The following TACC2 variants were observed in gnomAD, a reference collection of about 807,000 sequenced individuals.
The protein encoded by TACC2 is transforming acidic coiled-coil containing protein 2, also known as transforming acidic coiled-coil-containing protein 2.
TACC2 carries 137 observed loss-of-function variants against 227.3 expected under a neutral mutation model. The ratio of observed to expected loss-of-function variants is 0.60; its 90% CI spans 0.52 to 0.69. The LOEUF is 0.69. Among genes scored for constraint, TACC2 ranks in the 30% least tolerant of loss-of-function variants. The pLI is 0.00. For synonymous variants in TACC2, 1,523 were observed against 1,487.5 expected, an observed-to-expected ratio of 1.02 and a Z score of -0.55; for missense variants, 3,470 against 3,694.4, an observed-to-expected ratio of 0.94 and a Z score of 1.57.
chr10:122,029,579 A>C (rs1403663615), intron 2 of TACC2, among the ~76,000 whole-genome samples: 5 of 152,186 alleles, frequency 3.3e-5, no homozygotes, highest in African/African-American at 1.2e-4. Context: ...ATTTTAAAAA[A>C]ATGTTGGCAA....
intron 7 of TACC2, among the ~76,000 whole-genome samples, chr10:122,176,117 C>CTATATATATATA (rs35172894): frequency 2.2e-4 from 12 of 54,644 alleles, no homozygotes; most frequent in South Asian, 8.4e-4. Flanking sequence ...CTCTCTCTCT[C>CTATATATATATA]TATATATATA....
At chr10:122,200,507 C>T (rs1183916460) in intron 8 of TACC2, among the ~76,000 whole-genome samples, 2 of 147,720 alleles carry the variant, frequency 1.4e-5, no homozygotes, top group African/African-American at 5.3e-5. Context: ...CACCTGCCCA[C>T]AGTGGCTGTG....
chr10:122,225,846 T>C (rs766232091), intron 12 of TACC2, among the ~76,000 whole-genome samples: 1 of 152,138 alleles, frequency 6.6e-6, no homozygotes, highest in Non-Finnish European at 1.5e-5. Context: ...AGGGACTTAT[T>C]TGGGGACCCC....
At chr10:122,076,838 G>C (rs770770032) in intron 3 of TACC2, among the ~76,000 whole-genome samples, 5 of 152,108 alleles carry the variant, frequency 3.3e-5, no homozygotes, top group Admixed American at 6.5e-5. Flanking sequence ...ATCTGGGCCG[G>C]GTGCGGTGGC....
chr10:122,245,887 A>G (rs1484499416), intron 19 of TACC2, among the ~76,000 whole-genome samples: 4 of 152,168 alleles, frequency 2.6e-5, no homozygotes, highest in Non-Finnish European at 5.9e-5. Flanking sequence ...AACCCTGCTC[A>G]AGGTCACTCG....
intron 8 of TACC2, among the ~76,000 whole-genome samples, chr10:122,200,197 C>A (rs986556210): frequency 6.6e-6 from 1 of 152,228 alleles, no homozygotes; most frequent in Non-Finnish European, 1.5e-5. Flanking sequence ...CTGATGCAGT[C>A]CAGGCAGAGG....
intron 7 of TACC2, among the ~76,000 whole-genome samples, chr10:122,190,007 A>G (rs2094352654): frequency 1.3e-5 from 2 of 152,254 alleles, no homozygotes; most frequent in South Asian, 2.1e-4. Context: ...CCCTTAAATT[A>G]TCTCCAGTAA....
intron 22 of TACC2, among the ~76,000 whole-genome samples, chr10:122,250,171 C>T (rs1488720799): frequency 1.3e-5 from 2 of 152,192 alleles, no homozygotes; most frequent in African/African-American, 2.4e-5. Flanking sequence ...GGATCTGGCA[C>T]CCCTCCATCC....
chr10:122,111,736 T>C (rs7913495), intron 5 of TACC2, among the ~76,000 whole-genome samples: 126,294 of 151,686 alleles, frequency 0.83, 53,649 homozygotes, highest in East Asian at 0.98. Flanking sequence ...CCTCGTGATC[T>C]GTCCACCTCG....
chr10:121,996,641 C>T (rs1953537735), intron 1 of TACC2, among the ~76,000 whole-genome samples: 1 of 152,128 alleles, frequency 6.6e-6, no homozygotes, highest in Admixed American at 6.6e-5. Context: ...AGCAGGCAGT[C>T]ACCATGAGGT....
At chr10:122,049,991 T>G (rs2075496520) in intron 2 of TACC2, among the ~76,000 whole-genome samples, 1 of 152,150 alleles carries the variant, frequency 6.6e-6, no homozygotes, top group African/African-American at 2.4e-5. Context: ...CCGGTTAGTT[T>G]TTTTCCCTAG....
rs376276636 is a variant in TACC2 at position 122,164,026 on chromosome 10, C to T, written c.5834+20320C>T. The T allele has an allele frequency of 2.3e-4, 358 of 1,560,084 alleles. No homozygotes were observed. The African/African-American group carries it at 4.3e-3, about 19-fold the overall frequency. ...TCCGCCCGGGCCGCCCCGAGTCTCC[C>T]GGGGAGGAGGAGAGGATGCCCGGGC... On this transcript the variant is annotated intron_variant, in intron 7 of 22. Transcript: ENST00000369005.
At chr10:121,989,962 C>G (rs186815063) in intron 1 of TACC2, among the ~76,000 whole-genome samples, 4 of 152,250 alleles carry the variant, frequency 2.6e-5, no homozygotes, top group Admixed American at 2.6e-4. Context: ...CACTTTCTTC[C>G]TTCTACTTTT....
intron 7 of TACC2, among the ~76,000 whole-genome samples, chr10:122,186,733 G>T (rs953528193): frequency 6.6e-6 from 1 of 152,008 alleles, no homozygotes; most frequent in African/African-American, 2.4e-5. Flanking sequence ...GGCTGGCCTC[G>T]AACTCCTGGC....
intron 5 of TACC2, among the ~76,000 whole-genome samples, chr10:122,097,436 G>A (rs983548575): frequency 9.2e-5 from 14 of 152,196 alleles, no homozygotes; most frequent in African/African-American, 2.4e-4. Context: ...TCTATGTCCC[G>A]AGAGAGGGCA....
chr10:122,040,270 C>T (rs537077608), intron 2 of TACC2, among the ~76,000 whole-genome samples: 68 of 152,268 alleles, frequency 4.5e-4, no homozygotes, highest in African/African-American at 1.6e-3. Context: ...AGGGGGGCAT[C>T]ACCTGTTCCC....
At chr10:122,135,833 T>C (rs1380870004) in intron 6 of TACC2, among the ~76,000 whole-genome samples, 4 of 152,254 alleles carry the variant, frequency 2.6e-5, no homozygotes, top group Non-Finnish European at 5.9e-5. Context: ...GTCGTGGCTC[T>C]GGCACTGCAA....
At chr10:122,211,846 T>G (rs1593402095) in intron 9 of TACC2, 138 bp downstream of exon 9, 11 of 645,374 alleles carry the variant, frequency 1.7e-5, no homozygotes, top group Middle Eastern at 8.5e-4. Context: ...CTTACGGCCG[T>G]TGCACCAAGC....
At chr10:122,171,792 G>C (rs930336488) in intron 7 of TACC2, among the ~76,000 whole-genome samples, 3 of 152,206 alleles carry the variant, frequency 2.0e-5, no homozygotes, top group African/African-American at 4.8e-5. Flanking sequence ...GTCCCATGAG[G>C]AAATGCAATG....
Sources: allele counts gnomAD v4.1 joint callset (sites outside exome capture counted in the v4.1 genomes callset), GRCh38; gene constraint gnomAD v4.1.1; transcripts MANE v1.5; gene names NCBI Gene and HGNC (gene_info 2026-07-23, HGNC 2026-07-21).